Variants in TRIM14 observed in about 807,000 individuals in gnomAD.
The protein encoded by TRIM14 is tripartite motif-containing protein 14.
A neutral mutation model predicts 44.5 loss-of-function variants in TRIM14; 28 were observed. The observed-to-expected ratio is 0.63, with a 90% CI of 0.47 to 0.86. The LOEUF is 0.86. Ranked by LOEUF, TRIM14 falls within the 40% of genes least tolerant of loss-of-function variation. The pLI is 0.00. For missense variants in TRIM14, 607 were observed against 611.1 expected (o/e 0.99, Z 0.07); for synonymous variants, 299 against 269.2 (o/e 1.11, Z -1.08).
chr9:98,095,528 G>T lies in TRIM14; in HGVS notation c.538-499C>A, dbSNP rs1296424299. Among the ~76,000 whole-genome samples the T allele has an allele frequency of 6.6e-6, 1 of 152,240 alleles. No homozygotes were observed. Among genetic ancestry groups the T allele is most frequent in the Admixed American group, 6.5e-5 (1 of 15,292 alleles). On this transcript the variant is annotated intron_variant, in intron 3 of 5. Transcript: ENST00000341469. The surrounding 1 kb of genome is among the most constrained non-coding windows in gnomAD (Gnocchi z 4.1). ...AAGAAGGACGCCAAAGGCCAGCAAG[G>T]TTCAGCTGCAGTGCTGACTGAGGGG...
In TRIM14 at chr9:98,117,358, C is replaced by T. The variant is rs1049434105; in HGVS notation, c.207+1624G>A. ...TGTCATCCAGGCTGGAGTGCGGTGG[C>T]GTGATCTCGGCTCATTGCAACCTCC... On this transcript the variant is annotated intron_variant, in intron 1 of 5. Coordinates refer to ENST00000341469, the MANE Select transcript of TRIM14 (RefSeq NM_014788.4). 5.3e-5 allele frequency among the ~76,000 whole-genome samples: 8 copies of T among 152,040 alleles called. No homozygotes were observed. The East Asian group carries it at 1.4e-3, about 26-fold the overall frequency.
At chr9:98,059,929 G>A in the TRIM14 span, among the ~76,000 whole-genome samples, 1 of 152,160 alleles carries the variant, frequency 6.6e-6, no homozygotes. Flanking sequence ...CAGAGAAAGA[G>A]GCATAGGGCA....
At chr9:98,065,243 G>T (rs770408375), downstream of TRIM14, among the ~76,000 whole-genome samples, 2 of 149,988 alleles carry the variant, frequency 1.3e-5, no homozygotes, top group Non-Finnish European at 3.0e-5. Context: ...TTTCAACAGA[G>T]AATTACAATG....
chr9:98,067,034 C>G (rs1829169040), downstream of TRIM14, among the ~76,000 whole-genome samples: 1 of 152,156 alleles, frequency 6.6e-6, no homozygotes, highest in Non-Finnish European at 1.5e-5. Context: ...TCGAGCCTGA[C>G]TTCTTTCATA....
chr9:98,087,473 GGGCAGCCGGGGGATGCTGAT>G lies in TRIM14; in HGVS notation c.1306_1325del (p.Ile436LeufsTer66). 1 of 1,604,062 alleles carries G rather than the reference GGGCAGCCGGGGGATGCTGAT, an allele frequency of 6.2e-7. No homozygotes were observed. The highest frequency in any genetic ancestry group is 1.1e-5 in the South Asian group (1 of 90,450). On this transcript the variant is annotated frameshift_variant, in exon 6 of 6. Transcript: ENST00000341469. LOFTEE classifies it high-confidence loss of function. ...GCTGTCACGCCGGTCCTGGCCCCTA[GGGCAGCCGGGGGATGCTGAT>G]GGCCCCCTCCCAGAGCCGCAGGGCC...
At chr9:98,077,076 C>T (rs1474514390) in intron 6 of TRIM14, 2 of 1,293,338 alleles carry the variant, frequency 1.5e-6, no homozygotes, top group African/African-American at 1.5e-5. Context: ...TATTTTTACT[C>T]CCCTCATGGT....
chr9:98,093,432 G>A (rs1362975248), intron 4 of TRIM14, among the ~76,000 whole-genome samples: 2 of 152,166 alleles, frequency 1.3e-5, no homozygotes, highest in Non-Finnish European at 2.9e-5. Flanking sequence ...AGAGGCGACT[G>A]CATTATGGTC....
chr9:98,108,047 A>G (rs1445589971), intron 2 of TRIM14, among the ~76,000 whole-genome samples: 1 of 150,826 alleles, frequency 6.6e-6, no homozygotes, highest in Non-Finnish European at 1.5e-5. Flanking sequence ...TATACATGTG[A>G]TAAGTTGACA....
At chr9:98,073,409 C>T (rs749890214) in intron 6 of TRIM14, among the ~76,000 whole-genome samples, 3 of 150,326 alleles carry the variant, frequency 2.0e-5, no homozygotes, top group African/African-American at 2.5e-5. Flanking sequence ...CTTAGCCTCC[C>T]GAGTAGCTGG....
At chr9:98,047,509 A>C in the TRIM14 span, among the ~76,000 whole-genome samples, 8 of 151,920 alleles carry the variant, frequency 5.3e-5, no homozygotes, top group South Asian at 4.2e-4. Context: ...TTTGGGAAAA[A>C]CCTCTGTTTT....
intron 2 of TRIM14, among the ~76,000 whole-genome samples, chr9:98,107,821 C>T (rs545332180): frequency 3.5e-5 from 5 of 141,366 alleles, no homozygotes; most frequent in African/African-American, 1.3e-4. Context: ...CGCCACCATT[C>T]CCGGCATTTT....
downstream of TRIM14, among the ~76,000 whole-genome samples, chr9:98,065,005 C>G (rs1221667566): frequency 1.3e-5 from 2 of 152,134 alleles, no homozygotes; most frequent in Admixed American, 6.6e-5. Context: ...GCCCTGCAAC[C>G]TGGGGCAGGG....
At chr9:98,056,604 C>T in the TRIM14 span, 4 of 694,678 alleles carry the variant, frequency 5.8e-6, no homozygotes, top group South Asian at 2.1e-5. Flanking sequence ...GCCCTTCCCG[C>T]GGGAGGCCCC....
At chr9:98,056,028 C>A in the TRIM14 span, among the ~76,000 whole-genome samples, 2 of 152,144 alleles carry the variant, frequency 1.3e-5, no homozygotes, top group African/African-American at 2.4e-5. Context: ...GTGTGAGCCA[C>A]CGCGCCCGCC....
chr9:98,087,615 A>C lies in TRIM14; in HGVS notation c.1184T>G (p.Leu395Arg). The C allele has an allele frequency of 6.2e-7, 1 of 1,601,682 alleles. No individual in the cohort carries two copies. The highest frequency in any genetic ancestry group is 8.5e-7 in the Non-Finnish European group (1 of 1,177,564). ...GGCGAGGACGCCGGCCTCGTAGTCCAGGAAGACGCCGAGCCGGTCGAGGTC... is the reference window on the plus strand; with the variant it reads ...GGCGAGGACGCCGGCCTCGTAGTCCCGGAAGACGCCGAGCCGGTCGAGGTC... ...RDDLDRLGVF[L>R]DYEAGVLAFY... Residue 395 changes from leucine (L) to arginine (R), a missense_variant, in exon 6 of 6, where the codon CTG becomes CGG. Leu to Arg is a moderately radical substitution (Grantham distance 102). This residue lies in a region of TRIM14 where 356 missense variants were observed against 323.0 expected (regional missense o/e 1.10). Transcript: ENST00000341469.
chr9:98,098,443 G>A (rs897068982), intron 3 of TRIM14, among the ~76,000 whole-genome samples: 1 of 151,976 alleles, frequency 6.6e-6, no homozygotes, highest in Admixed American at 6.6e-5. Context: ...CGGGTGCGGT[G>A]GCTCACGCCT....
the TRIM14 span, among the ~76,000 whole-genome samples, chr9:98,043,963 T>C: frequency 2.0e-5 from 3 of 151,794 alleles, no homozygotes; most frequent in Non-Finnish European, 4.4e-5. Flanking sequence ...CCAAAAGGGG[T>C]TACTCTTCTT....
At chr9:98,110,626 G>C (rs1339241472) in intron 1 of TRIM14, among the ~76,000 whole-genome samples, 5 of 152,102 alleles carry the variant, frequency 3.3e-5, no homozygotes, top group Non-Finnish European at 7.3e-5. Context: ...CCATTGACTA[G>C]GAGCTTCTTG....
chr9:98,051,365 T>G, the TRIM14 span, among the ~76,000 whole-genome samples: 1 of 152,170 alleles, frequency 6.6e-6, no homozygotes, highest in Non-Finnish European at 1.5e-5. Flanking sequence ...TGAATCTCTA[T>G]AATGCCCGAC....
Sources: allele counts gnomAD v4.1 joint callset (sites outside exome capture counted in the v4.1 genomes callset), GRCh38; gene constraint gnomAD v4.1.1; regional missense constraint gnomAD v4.1.1; non-coding constraint Gnocchi (gnomAD v3.1); transcripts MANE v1.5; gene names NCBI Gene and HGNC (gene_info 2026-07-23, HGNC 2026-07-21).